PCDH15: variants seen among roughly 807,000 people sequenced by gnomAD.
The protein encoded by PCDH15 is protocadherin related 15, also known as protocadherin-15.
Under a neutral mutation model 178.5 loss-of-function variants are expected in PCDH15, and 129 were observed. The ratio of observed to expected loss-of-function variants is 0.72; its 90% CI spans 0.63 to 0.84. The LOEUF (loss-of-function observed/expected upper bound fraction) is 0.84. Ranked by LOEUF, PCDH15 falls within the 40% of genes least tolerant of loss-of-function variation. The pLI, the probability that PCDH15 is intolerant of heterozygous loss-of-function variation, is 0.00. For synonymous variants in PCDH15, 800 were observed against 732.0 expected (o/e 1.09, Z -1.50); for missense variants, 2,230 against 2,099.9 (o/e 1.06, Z -1.21).
intron 3 of PCDH15, among the ~76,000 whole-genome samples, chr10:54,415,462 A>G (rs1044216291): frequency 6.6e-6 from 1 of 152,118 alleles, no homozygotes; most frequent in Non-Finnish European, 1.5e-5. Flanking sequence ...AAAAAAAGGT[A>G]GAAAGAAGAA....
intron 8 of PCDH15, among the ~76,000 whole-genome samples, chr10:54,258,013 A>T (rs2132232855): frequency 6.6e-6 from 1 of 151,738 alleles, no homozygotes; most frequent in East Asian, 1.9e-4. Context: ...CTTAACGATT[A>T]AAAAAAAATC....
intron 1 of PCDH15, among the ~76,000 whole-genome samples, chr10:54,774,623 T>C (rs1348157125): frequency 6.6e-6 from 1 of 152,208 alleles, no homozygotes; most frequent in Non-Finnish European, 1.5e-5. Context: ...AAACTCTGTA[T>C]ACTTAAATTC....
intron 2 of PCDH15, chr10:54,600,022 G>A (rs2092450460): frequency 3.7e-6 from 5 of 1,344,652 alleles, no homozygotes; most frequent in Non-Finnish European, 5.2e-6. Context: ...AAAGTCAAAA[G>A]CAGAAGTGGG....
At chr10:54,962,881 C>G (rs1219519) in intron 2 of PCDH15, among the ~76,000 whole-genome samples, 47,596 of 152,044 alleles carry the variant, frequency 0.31, 8,165 homozygotes, top group Non-Finnish European at 0.4. Context: ...AGGAAGAAGG[C>G]ACCACCAAAG....
At chr10:55,555,553 C>T (rs1240315984) in intron 2 of PCDH15, among the ~76,000 whole-genome samples, 1 of 152,056 alleles carries the variant, frequency 6.6e-6, no homozygotes, top group African/African-American at 2.4e-5. Context: ...TGCCTCTTCT[C>T]AATTTTTGAC....
intron 18 of PCDH15, among the ~76,000 whole-genome samples, chr10:54,062,611 T>TA (rs1179320980): frequency 6.6e-6 from 1 of 152,130 alleles, no homozygotes; most frequent in African/African-American, 2.4e-5. Flanking sequence ...TTTTAGTTTT[T>TA]ATGAAAACAA....
At chr10:54,745,864 G>A (rs1176825821) in intron 1 of PCDH15, among the ~76,000 whole-genome samples, 1 of 152,042 alleles carries the variant, frequency 6.6e-6, no homozygotes. Context: ...AGTGAGCCAA[G>A]AATTTTAGAA....
At chr10:55,060,131 C>T (rs1311875667) in intron 2 of PCDH15, among the ~76,000 whole-genome samples, 3 of 151,864 alleles carry the variant, frequency 2.0e-5, no homozygotes, top group Non-Finnish European at 4.4e-5. Context: ...TCATATGATT[C>T]GTGAAAATAT....
chr10:54,432,308 A>G (rs1360444152), intron 3 of PCDH15, among the ~76,000 whole-genome samples: 2 of 152,080 alleles, frequency 1.3e-5, no homozygotes, highest in Non-Finnish European at 2.9e-5. Flanking sequence ...TGGAGAAATC[A>G]CATTACCTGG....
At chr10:55,262,697 A>G (rs954324054) in intron 1 of PCDH15, among the ~76,000 whole-genome samples, 1 of 152,096 alleles carries the variant, frequency 6.6e-6, no homozygotes, top group Non-Finnish European at 1.5e-5. Flanking sequence ...TGGCTTCCCA[A>G]TCTGCTGAGA....
chr10:54,213,787 T>C, intron 10 of PCDH15, 149 bp downstream of exon 10: 1 of 551,086 alleles, frequency 1.8e-6, no homozygotes, highest in Non-Finnish European at 3.3e-6. Context: ...AAAGTGGGCT[T>C]CGCTTATTTT....
intron 3 of PCDH15, among the ~76,000 whole-genome samples, chr10:54,837,535 T>A (rs1033536216): frequency 6.6e-6 from 1 of 152,144 alleles, no homozygotes; most frequent in African/African-American, 2.4e-5. Context: ...GTTACTTTTT[T>A]AAAAAAATAA....
intron 1 of PCDH15, among the ~76,000 whole-genome samples, chr10:54,725,469 AAGTCTGAGACG>A (rs1459059109): frequency 6.7e-6 from 1 of 148,262 alleles, no homozygotes; most frequent in Non-Finnish European, 1.5e-5. Flanking sequence ...TTGAACTCAG[AAGTCTGAGACG>A]AGTCTGTGCA....
chr10:54,331,955 T>C (rs977548237), intron 6 of PCDH15, among the ~76,000 whole-genome samples: 2 of 151,744 alleles, frequency 1.3e-5, no homozygotes. Context: ...ATTGCAAAGA[T>C]AGAGAGAAGC....
chr10:54,646,001 A>C (rs1839932453), intron 2 of PCDH15, among the ~76,000 whole-genome samples: 1 of 152,086 alleles, frequency 6.6e-6, no homozygotes, highest in Admixed American at 6.6e-5. Context: ...AAAATGTTTT[A>C]TCTGATTTCT....
intron 2 of PCDH15, among the ~76,000 whole-genome samples, chr10:55,566,423 C>T (rs893960636): frequency 2.6e-5 from 4 of 151,244 alleles, no homozygotes; most frequent in Non-Finnish European, 5.9e-5. Flanking sequence ...GAAGTCTGAG[C>T]TTACTACTAT....
intron 2 of PCDH15, among the ~76,000 whole-genome samples, chr10:54,996,528 C>A (rs1173191354): frequency 1.3e-5 from 2 of 152,138 alleles, no homozygotes; most frequent in African/African-American, 4.8e-5. Context: ...TGTTCTATCC[C>A]AGAATACAGC....
chr10:55,024,182 GAGGAAGGAATATATATATATATAAT>G (rs1564726596), intron 2 of PCDH15, among the ~76,000 whole-genome samples: 2 of 145,972 alleles, frequency 1.4e-5, no homozygotes, highest in South Asian at 2.1e-4. Context: ...TATATAGAGA[GAGGAAGGAATATATATATATATAAT>G]AGGAAGGAAT....
intron 21 of PCDH15, among the ~76,000 whole-genome samples, chr10:53,972,022 C>A (rs1381265058): frequency 1.3e-5 from 2 of 152,138 alleles, no homozygotes; most frequent in Admixed American, 1.3e-4. Context: ...TATCACGCTA[C>A]CTGACTTCAA....
Sources: gnomAD v4.1 joint callset for allele counts (sites outside exome capture counted in the v4.1 genomes callset) on GRCh38, gnomAD v4.1.1 for gene constraint, MANE v1.5 for transcripts, NCBI Gene and HGNC (gene_info 2026-07-23, HGNC 2026-07-21) for gene names.